RNF175: variants seen among roughly 807,000 people sequenced by gnomAD.
RNF175 encodes ring finger protein 175.
In RNF175, 38 loss-of-function variants were observed where a neutral mutation model predicts 50.0. That is an observed-to-expected ratio of 0.76 (90% CI 0.59 to 1.00). RNF175 has a LOEUF of 1.00. Among genes scored for constraint, RNF175 ranks in the 50% least tolerant of loss-of-function variants. The probability of loss-of-function intolerance (pLI) is 0.00; values close to 1 mark genes in which losing one functional copy is unlikely to be tolerated. For synonymous variants in RNF175, 155 were observed against 146.1 expected (o/e 1.06, Z -0.44); for missense variants, 388 against 409.6 (o/e 0.95, Z 0.46).
chr4:153,756,652 C>A (rs1441980184), intron 1 of RNF175, among the ~76,000 whole-genome samples: 5 of 152,178 alleles, frequency 3.3e-5, no homozygotes, highest in African/African-American at 1.2e-4. Context: ...CATGTGCCAG[C>A]CACTGGGTTA....
intron 1 of RNF175, among the ~76,000 whole-genome samples, chr4:153,758,897 T>C (rs1740685921): frequency 6.6e-6 from 1 of 152,086 alleles, no homozygotes; most frequent in African/African-American, 2.4e-5. Flanking sequence ...CCCTCACGGG[T>C]TGGAGGAGAA....
intron 3 of RNF175, among the ~76,000 whole-genome samples, chr4:153,742,404 T>C (rs1164108150): frequency 6.6e-6 from 1 of 152,092 alleles, no homozygotes; most frequent in Non-Finnish European, 1.5e-5. Flanking sequence ...TTGAGCATTC[T>C]CTCTAGCTTT....
At chr4:153,752,640 T>C (rs1027517222) in intron 1 of RNF175, among the ~76,000 whole-genome samples, 1 of 152,204 alleles carries the variant, frequency 6.6e-6, no homozygotes, top group Non-Finnish European at 1.5e-5. Context: ...CATTTTTAAG[T>C]ATAATGTAGA....
In RNF175 at chr4:153,748,629, C is replaced by A; in HGVS notation, c.246+16G>T. ...CAAGCTGGAGCAGGCTCCCAGCAGC[C>A]ACGGGGATGACTCACATTGTAGGAT... On this transcript the variant is annotated intron_variant, in intron 3 of 8. Transcript: ENST00000347063. 6.4e-7 allele frequency: 1 copy of A among 1,564,246 alleles called. No homozygotes were observed. The highest frequency in any genetic ancestry group is 2.3e-5 in the East Asian group (1 of 42,632).
intron 2 of RNF175, among the ~76,000 whole-genome samples, chr4:153,750,635 G>C (rs1307778246): frequency 1.3e-5 from 2 of 148,852 alleles, no homozygotes; most frequent in East Asian, 3.9e-4. Flanking sequence ...CAGGAGACAG[G>C]AATGATTTCT....
At chr4:153,734,928 G>A (rs1319613997) in intron 3 of RNF175, among the ~76,000 whole-genome samples, 3 of 151,756 alleles carry the variant, frequency 2.0e-5, no homozygotes, top group Admixed American at 6.6e-5. Flanking sequence ...TGCCCACCTC[G>A]GCCTCCCAAA....
chr4:153,718,226 G>GTTTTTT (rs1325216298), intron 6 of RNF175, among the ~76,000 whole-genome samples: 35 of 30,576 alleles, frequency 1.1e-3, no homozygotes, highest in African/African-American at 2.2e-3. Flanking sequence ...TTGTTTGTTT[G>GTTTTTT]TTTGTTTGTT....
At position 153,720,319 on chromosome 4, in the gene RNF175, A is replaced by C; in HGVS notation, c.510-15T>G. ...TAGCTTTGATTCTATTGAAAACAACAGTATAAGGAAATAAGAATGTGGCAT... is the reference window on the plus strand; with the variant it reads ...TAGCTTTGATTCTATTGAAAACAACCGTATAAGGAAATAAGAATGTGGCAT... On this transcript the variant is annotated splice_polypyrimidine_tract_variant and intron_variant, in intron 5 of 8. Coordinates refer to ENST00000347063, the MANE Select transcript of RNF175 (RefSeq NM_173662.4). 1 of 1,610,794 alleles carries C rather than the reference A, an allele frequency of 6.2e-7. No homozygotes were observed. Among genetic ancestry groups the C allele is most frequent in the Non-Finnish European group, 8.5e-7 (1 of 1,177,306 alleles).
chr4:153,720,320 G>A lies in RNF175; in HGVS notation c.510-16C>T. ...AGCTTTGATTCTATTGAAAACAACA[G>A]TATAAGGAAATAAGAATGTGGCATA... On this transcript the variant is annotated splice_polypyrimidine_tract_variant and intron_variant, in intron 5 of 8. Coordinates refer to ENST00000347063, the MANE Select transcript of RNF175 (RefSeq NM_173662.4). The A allele has an allele frequency of 6.2e-7, 1 of 1,610,436 alleles. No individual in the cohort carries two copies. The highest frequency in any genetic ancestry group is 8.5e-7 in the Non-Finnish European group (1 of 1,176,912).
At chr4:153,752,324 G>T (rs1740335378) in intron 1 of RNF175, among the ~76,000 whole-genome samples, 1 of 152,166 alleles carries the variant, frequency 6.6e-6, no homozygotes, top group South Asian at 2.1e-4. Context: ...CCTGAGGCTT[G>T]CTTCACTCCT....
chr4:153,718,221 TGTTTGTTTGTTTG>T (rs753952242), intron 6 of RNF175, among the ~76,000 whole-genome samples: 22 of 53,984 alleles, frequency 4.1e-4, no homozygotes, highest in African/African-American at 9.9e-4. Context: ...TTTTTTTGTT[TGTTTGTTTGTTTG>T]TTTGTTTTTT....
chr4:153,721,737 T>A (rs951086042), intron 5 of RNF175, among the ~76,000 whole-genome samples: 11 of 152,162 alleles, frequency 7.2e-5, no homozygotes, highest in Non-Finnish European at 1.3e-4. Flanking sequence ...GATCTTGAAA[T>A]CTTATGAGGT....
intron 2 of RNF175, among the ~76,000 whole-genome samples, chr4:153,750,548 C>G (rs933349732): frequency 2.6e-5 from 4 of 152,094 alleles, no homozygotes; most frequent in Non-Finnish European, 5.9e-5. Flanking sequence ...TATCAAATGA[C>G]GAAGATGAAA....
intron 4 of RNF175, among the ~76,000 whole-genome samples, chr4:153,725,488 G>T (rs1298812758): frequency 1.3e-5 from 2 of 152,176 alleles, no homozygotes; most frequent in Non-Finnish European, 2.9e-5. Flanking sequence ...GCCTTAAGGG[G>T]CCTCTCTCAA....
At chr4:153,728,975 T>C (rs1738877009) in intron 3 of RNF175, among the ~76,000 whole-genome samples, 1 of 152,194 alleles carries the variant, frequency 6.6e-6, no homozygotes, top group African/African-American at 2.4e-5. Context: ...GCCATTGACC[T>C]GAGTCCAAGT....
intron 6 of RNF175, among the ~76,000 whole-genome samples, chr4:153,719,858 T>G (rs1738219869): frequency 6.6e-6 from 1 of 152,210 alleles, no homozygotes; most frequent in African/African-American, 2.4e-5. Flanking sequence ...TTGTTAATGT[T>G]TTACTAATCC....
At chr4:153,724,892 TAGGCAGGGGTGAGCTACGTGGGGGACC>T (rs1560776482) in intron 4 of RNF175, among the ~76,000 whole-genome samples, 1 of 141,244 alleles carries the variant, frequency 7.1e-6, no homozygotes, top group Non-Finnish European at 1.5e-5. Context: ...CAGGGGGGAG[TAGGCAGGGGTGAGCTACGTGGGGGACC>T]AGGCAGAGGT....
intron 3 of RNF175, among the ~76,000 whole-genome samples, chr4:153,746,127 T>G (rs1016970352): frequency 1.3e-5 from 2 of 152,226 alleles, no homozygotes; most frequent in Non-Finnish European, 2.9e-5. Context: ...GCTGTGAGCC[T>G]GTGAAATTAA....
intron 1 of RNF175, 99 bp from the exon 2 acceptor site, chr4:153,751,574 AAT>A: frequency 1.3e-6 from 1 of 784,524 alleles, no homozygotes; most frequent in East Asian, 2.7e-5. Context: ...GAAAAATAAC[AAT>A]GTCACATAGT....
Sources: gnomAD v4.1 joint callset for allele counts (sites outside exome capture counted in the v4.1 genomes callset) on GRCh38, gnomAD v4.1.1 for gene constraint, MANE v1.5 for transcripts, NCBI Gene and HGNC (gene_info 2026-07-23, HGNC 2026-07-21) for gene names.